SLC25A23: variants seen among roughly 807,000 people sequenced by gnomAD.
SLC25A23 encodes solute carrier family 25 member 23, also known as mitochondrial adenyl nucleotide antiporter SLC25A23.
A neutral mutation model predicts 53.9 loss-of-function variants in SLC25A23; 32 were observed. The observed-to-expected ratio is 0.59, with a 90% CI of 0.45 to 0.80. The LOEUF is 0.80. Among genes scored for constraint, SLC25A23 ranks in the 30% least tolerant of loss-of-function variants. The pLI is 0.00. For synonymous variants in SLC25A23, 275 were observed against 264.5 expected (o/e 1.04, Z -0.38); for missense variants, 575 against 651.4 (o/e 0.88, Z 1.28).
At chr19:6,455,720 T>G (rs1265280595) in intron 4 of SLC25A23, among the ~76,000 whole-genome samples, 25 of 37,434 alleles carry the variant, frequency 6.7e-4, no homozygotes, top group Middle Eastern at 8.6e-3. Flanking sequence ...TTTTTTTTTT[T>G]TTTTTTTTTT....
At chr19:6,451,626 C>A (rs1465820451) in intron 8 of SLC25A23, among the ~76,000 whole-genome samples, 1 of 152,016 alleles carries the variant, frequency 6.6e-6, no homozygotes, top group African/African-American at 2.4e-5. Context: ...AGATGAGGTC[C>A]CTGGAAGAGA....
chr19:6,444,850 G>A (rs1178393985), intron 8 of SLC25A23, among the ~76,000 whole-genome samples: 2 of 151,916 alleles, frequency 1.3e-5, no homozygotes, highest in African/African-American at 2.4e-5. Flanking sequence ...TGTATTTTTA[G>A]TAGAGACAGG....
Position 6,451,830 on chromosome 19 carries a change from C to CTTTTTTT in SLC25A23, c.1071+475_1071+481dup, listed in dbSNP as rs1222647154. 2.7e-3 allele frequency among the ~76,000 whole-genome samples: 337 copies of CTTTTTTT among 124,182 alleles called. 12 individuals are homozygous for CTTTTTTT. The highest frequency in any genetic ancestry group is 0.011 in the African/African-American group (308 of 28,088). 81.5% of individuals were successfully genotyped at this position (124,182 alleles called of 152,430 possible). On this transcript the variant is annotated intron_variant, in intron 8 of 9. Transcript: ENST00000301454. The stretch of plus-strand genomic sequence containing the variant: ...GTCTTTGAGACTCATCTTTGCCTGC[C>CTTTTTTT]TTTTTTTTTTTTTTTTTTGAGAAGG...
At position 6,454,747 on chromosome 19, in the gene SLC25A23, C is replaced by T; in HGVS notation, c.484-30G>A. The T allele has an allele frequency of 1.2e-6, 2 of 1,610,490 alleles. No homozygotes were observed. Among genetic ancestry groups the T allele is most frequent in the East Asian group, 2.2e-5 (1 of 44,838 alleles). On this transcript the variant is annotated intron_variant, in intron 4 of 9. Transcript: ENST00000301454. This position sits in a 1 kb window ranked among gnomAD's most constrained non-coding sequence, Gnocchi z 4.3. ...AGATACAGGTGTTGGGGGTGTCATG[C>T]CATGGTGGGGACAGGGAGATGTGAC...
Position 6,459,328 on chromosome 19 carries a change from T to G in SLC25A23, c.156+145A>C. On this transcript the variant is annotated intron_variant, in intron 1 of 9. Coordinates refer to ENST00000301454, the MANE Select transcript of SLC25A23 (RefSeq NM_024103.3). This position sits in a 1 kb window ranked among gnomAD's most constrained non-coding sequence, Gnocchi z 4.6. Reference sequence around the variant, plus strand: ...GCGATCCCGTTAGGCCAAACACGAGTGGGTAGGGGGAACGAGACAGAGACA... The same window carrying G: ...GCGATCCCGTTAGGCCAAACACGAGGGGGTAGGGGGAACGAGACAGAGACA... 6 of 633,058 alleles carry G rather than the reference T, an allele frequency of 9.5e-6. No individual in the cohort carries two copies. Among genetic ancestry groups the G allele is most frequent in the Non-Finnish European group, 1.5e-5 (6 of 412,250 alleles). 39.2% of individuals were successfully genotyped at this position (633,058 alleles called of 1,614,324 possible). A position where few individuals can be genotyped will look rare whatever the true frequency, so the allele number is the denominator to read the frequency against.
intron 8 of SLC25A23, among the ~76,000 whole-genome samples, chr19:6,452,019 T>G (rs2092599909): frequency 6.6e-6 from 1 of 151,970 alleles, no homozygotes; most frequent in Admixed American, 6.6e-5. Context: ...TCACCATGCC[T>G]GGCTAATTTT....
chr19:6,456,366 C>G lies in SLC25A23; in HGVS notation c.483+54G>C, dbSNP rs2092682371. 1.9e-6 allele frequency: 3 copies of G among 1,553,554 alleles called. No homozygotes were observed. In the East Asian group the frequency reaches 6.7e-5, roughly 35 times the overall value. ...AGCCCTGGGGAGATCGGAGCAAGGC[C>G]CCCCTGGGGAAGAGGGCACAGCCTT... is the stretch of plus-strand genomic sequence containing the variant. On this transcript the variant is annotated intron_variant, in intron 4 of 9. Coordinates refer to ENST00000301454, the MANE Select transcript of SLC25A23 (RefSeq NM_024103.3).
At position 6,454,445 on chromosome 19, in the gene SLC25A23, T is replaced by C. The variant is rs1187817824; in HGVS notation, c.673A>G (p.Ile225Val). 1 of 1,614,092 alleles carries C rather than the reference T, an allele frequency of 6.2e-7. No homozygotes were observed. The highest frequency in any genetic ancestry group is 1.6e-4 in the Middle Eastern group (1 of 6,062). Residue 225 changes from isoleucine (I) to valine (V), a missense_variant, in exon 6 of 10, where the codon ATC becomes GTC. Physicochemically the swap from Ile to Val is conservative, Grantham distance 29. Transcript: ENST00000301454. The surrounding 1 kb of genome is among the most constrained non-coding windows in gnomAD (Gnocchi z 4.3). ...VHASKTNRLN[I>V]LGGLRSMVLE... ...ACCATGCTTCGAAGCCCCCCAAGGA[T>C]GTTCAGCCGGTTGGTCTTTGAGGCA...
In SLC25A23 at chr19:6,446,298, G is replaced by A. The variant is rs148234437; in HGVS notation, c.1072-1997C>T. ...GAATCGCCTGAACCGGGGAGGCGGA[G>A]GTTGCAGCGAGGCAAGATCACACCA... is the stretch of plus-strand genomic sequence containing the variant. On this transcript the variant is annotated intron_variant, in intron 8 of 9. Transcript: ENST00000301454. Among the ~76,000 whole-genome samples the A allele has an allele frequency of 4.8e-3, 733 of 152,158 alleles. 7 individuals carry two copies. The highest frequency in any genetic ancestry group is 0.017 in the African/African-American group (699 of 41,492).
At position 6,444,276 on chromosome 19, in the gene SLC25A23, T is replaced by C; in HGVS notation, c.1097A>G (p.Gln366Arg). 1 of 1,582,084 alleles carries C rather than the reference T, an allele frequency of 6.3e-7. No individual in the cohort carries two copies. The highest frequency in any genetic ancestry group is 8.6e-7 in the Non-Finnish European group (1 of 1,163,492). The part of the protein sequence containing the change: ...YETLKNWWLQ[Q>R]YSHDSADPGI... ...TGGGTCTGCCGAGTCGTGGCTGTACTGCTGAAGCCACCAGTTCTTCAGAGT... is the reference window on the plus strand; with the variant it reads ...TGGGTCTGCCGAGTCGTGGCTGTACCGCTGAAGCCACCAGTTCTTCAGAGT... The change falls in exon 9 of 10, where the codon CAG (glutamine) becomes CGG (arginine). Residue 366 changes from glutamine to arginine, a missense_variant. By Grantham distance (43) the Gln-to-Arg change is conservative. Coordinates refer to ENST00000301454, the MANE Select transcript of SLC25A23 (RefSeq NM_024103.3).
At position 6,454,483 on chromosome 19, in the gene SLC25A23, G is replaced by C. The variant is rs2092646286; in HGVS notation, c.643-8C>G. 23 of 1,613,862 alleles carry C rather than the reference G, an allele frequency of 1.4e-5. No homozygotes were observed. The highest frequency in any genetic ancestry group is 1.8e-5 in the Non-Finnish European group (21 of 1,179,994). The stretch of plus-strand genomic sequence containing the variant: ...GGTCTTTGAGGCATGGACCTGAATG[G>C]GGAGACAACAGCTTGGAGGTCCCCT... On this transcript the variant is annotated splice_polypyrimidine_tract_variant and splice_region_variant and intron_variant, in intron 5 of 9. Transcript: ENST00000301454. This position sits in a 1 kb window ranked among gnomAD's most constrained non-coding sequence, Gnocchi z 4.3.
downstream of SLC25A23, chr19:6,436,445 G>T (rs1033156170): frequency 2.2e-6 from 1 of 456,078 alleles, no homozygotes. Flanking sequence ...CCATAAGGCT[G>T]CTCATGGCAT....
chr19:6,455,857 T>C (rs2092673839), intron 4 of SLC25A23: 3 of 405,552 alleles, frequency 7.4e-6, no homozygotes, highest in Admixed American at 3.3e-5. Context: ...TAGCTGGGAC[T>C]ACAGGTGCCT....
At chr19:6,438,844 C>A, downstream of SLC25A23, 1 of 195,470 alleles carries the variant, frequency 5.1e-6, no homozygotes, top group Non-Finnish European at 1.1e-5. Context: ...AGCAAGACTC[C>A]TATATCAAAA....
chr19:6,439,526 T>TA (rs1351971197), downstream of SLC25A23, among the ~76,000 whole-genome samples: 2 of 151,696 alleles, frequency 1.3e-5, no homozygotes, highest in African/African-American at 4.8e-5. Flanking sequence ...TTGAAATTTG[T>TA]AATTTGAAAA....
downstream of SLC25A23, among the ~76,000 whole-genome samples, chr19:6,436,788 T>C (rs1401133267): frequency 6.7e-6 from 1 of 149,910 alleles, no homozygotes; most frequent in Non-Finnish European, 1.5e-5. Context: ...CCTCAGGTGA[T>C]TCACCCGCCT....
chr19:6,456,079 C>G (rs1340088847), intron 4 of SLC25A23: 1 of 1,364,260 alleles, frequency 7.3e-7, no homozygotes, highest in Non-Finnish European at 9.6e-7. Context: ...GGCAGAGAAC[C>G]CAGCAGAAGA....
chr19:6,451,792 G>A (rs946051149), intron 8 of SLC25A23, among the ~76,000 whole-genome samples: 5 of 151,794 alleles, frequency 3.3e-5, no homozygotes, highest in African/African-American at 7.3e-5. Context: ...TACTTGCTTC[G>A]GGGAAGTTGG....
rs748718282 is a variant in SLC25A23, at chr19:6,442,165, A to AGGGGGGGT, written c.1223-7_1223-6insACCCCCCC. On this transcript the variant is annotated splice_region_variant and splice_polypyrimidine_tract_variant and intron_variant, in intron 9 of 9. Transcript: ENST00000301454. ...GGGGCCACCCTCGATGGAGGCTGGG[A>AGGGGGGGT]GGGGGCGGGGGGGGCACCAGGTAAG... The AGGGGGGGT allele has an allele frequency of 1.2e-5, 8 of 642,374 alleles. No homozygotes were observed. Among genetic ancestry groups the AGGGGGGGT allele is most frequent in the Admixed American group, 5.6e-5 (2 of 35,698 alleles). 39.8% of individuals were successfully genotyped at this position (642,374 alleles called of 1,614,324 possible). A position where few individuals can be genotyped will look rare whatever the true frequency, so the allele number is the denominator to read the frequency against.
Sources: allele counts gnomAD v4.1 joint callset (sites outside exome capture counted in the v4.1 genomes callset), GRCh38; gene constraint gnomAD v4.1.1; non-coding constraint Gnocchi (gnomAD v3.1); transcripts MANE v1.5; gene names NCBI Gene and HGNC (gene_info 2026-07-23, HGNC 2026-07-21).